Variants in RPS6KA2 observed in about 807,000 individuals in gnomAD.
RPS6KA2 encodes the protein ribosomal protein S6 kinase A2.
RPS6KA2 carries 42 observed loss-of-function variants against 91.8 expected under a neutral mutation model. That is an observed-to-expected ratio of 0.46 (90% CI 0.36 to 0.59). RPS6KA2 has a LOEUF of 0.59. Among genes scored for constraint, RPS6KA2 ranks in the 20% least tolerant of loss-of-function variants. The probability of loss-of-function intolerance (pLI) is 0.00; values close to 1 mark genes in which losing one functional copy is unlikely to be tolerated. For synonymous variants in RPS6KA2, 414 were observed against 393.6 expected, an observed-to-expected ratio of 1.05 and a Z score of -0.61; for missense variants, 798 against 978.5, an observed-to-expected ratio of 0.82 and a Z score of 2.46.
At chr6:166,781,381 C>A (rs1778768508) in intron 2 of RPS6KA2, among the ~76,000 whole-genome samples, 1 of 152,190 alleles carries the variant, frequency 6.6e-6, no homozygotes, top group African/African-American at 2.4e-5. Flanking sequence ...TGGCGTGCTC[C>A]CAGGGAAGAC....
chr6:166,809,352 T>A (rs1779574039), intron 2 of RPS6KA2, among the ~76,000 whole-genome samples: 1 of 152,120 alleles, frequency 6.6e-6, no homozygotes, highest in African/African-American at 2.4e-5. Context: ...TTTGACAATA[T>A]CAAAATCTAG....
At chr6:166,797,563 A>T (rs1779257859) in intron 2 of RPS6KA2, among the ~76,000 whole-genome samples, 1 of 152,210 alleles carries the variant, frequency 6.6e-6, no homozygotes, top group Admixed American at 6.5e-5. Context: ...ATATTAAGAA[A>T]GTTATAAGGA....
rs1256773929 is a variant in RPS6KA2 at position 166,696,778 on chromosome 6, G to A, written c.124-157994C>T. ...GAAAAGCCAACTCCCCCACAAGTGA[G>A]AGGGACCCCTTCCCGCCTGGCCACC... On this transcript the variant is annotated intron_variant, in intron 2 of 21. Transcript: ENST00000503859. 5.9e-5 allele frequency among the ~76,000 whole-genome samples: 9 copies of A among 152,320 alleles called. 2 individuals are homozygous for A. Among genetic ancestry groups the A allele is most frequent in the Admixed American group, 5.2e-4 (8 of 15,306 alleles).
chr6:166,843,728 C>A (rs1418820587), intron 2 of RPS6KA2, among the ~76,000 whole-genome samples: 2 of 152,096 alleles, frequency 1.3e-5, no homozygotes, highest in Non-Finnish European at 2.9e-5. Flanking sequence ...GGGAGAACAC[C>A]ACATCAAGGG....
intron 2 of RPS6KA2, among the ~76,000 whole-genome samples, chr6:166,762,773 A>G (rs1778212320): frequency 6.6e-6 from 1 of 152,210 alleles, no homozygotes. Context: ...GGAGCCAACA[A>G]GGAAAGCGGA....
At position 166,490,047 on chromosome 6, in the gene RPS6KA2, T is replaced by C. The variant is rs1169804675; in HGVS notation, c.818+624A>G. Among the ~76,000 whole-genome samples the C allele has an allele frequency of 3.3e-5, 5 of 152,160 alleles. No homozygotes were observed. Among genetic ancestry groups the C allele is most frequent in the Non-Finnish European group, 7.3e-5 (5 of 68,030 alleles). On this transcript the variant is annotated intron_variant, in intron 9 of 20. Coordinates refer to ENST00000265678, the MANE Select transcript of RPS6KA2 (RefSeq NM_021135.6). This position sits in a 1 kb window ranked among gnomAD's most constrained non-coding sequence, Gnocchi z 4.2. Reference sequence around the variant, plus strand: ...GTGTCTGCTCACATTTAGGATGCTATGGCAAGGTGGTATGGGGATCAGGCT... The same window carrying C: ...GTGTCTGCTCACATTTAGGATGCTACGGCAAGGTGGTATGGGGATCAGGCT...
rs564525791 is a variant in RPS6KA2, at chr6:166,849,806, G to A, written c.123+8394C>T. On this transcript the variant is annotated intron_variant, in intron 2 of 21. Transcript: ENST00000503859. This position sits in a 1 kb window ranked among gnomAD's most constrained non-coding sequence, Gnocchi z 4.9. ...GTTTCCTCAAGCTGACTGAATTCTC[G>A]CCTTCGCTTTCTTTGGAAATGGTTT... Among the ~76,000 whole-genome samples, 6 of 152,284 alleles carry A rather than the reference G, an allele frequency of 3.9e-5. No homozygotes were observed. In the South Asian group the frequency reaches 1.0e-3, roughly 26 times the overall value.
chr6:166,480,515 AATATATTTT>A (rs1781174347), intron 10 of RPS6KA2, among the ~76,000 whole-genome samples: 1 of 84,366 alleles, frequency 1.2e-5, no homozygotes, highest in African/African-American at 6.1e-5. Flanking sequence ...ATATATATAT[AATATATTTT>A]TTTTTTTTGA....
At chr6:166,848,232 C>A (rs139678489) in intron 2 of RPS6KA2, among the ~76,000 whole-genome samples, 2 of 152,062 alleles carry the variant, frequency 1.3e-5, no homozygotes, top group African/African-American at 2.4e-5. Flanking sequence ...TGCAATAATG[C>A]CCATAATTTA....
intron 2 of RPS6KA2, among the ~76,000 whole-genome samples, chr6:166,694,083 A>T (rs938393775): frequency 2.0e-5 from 3 of 152,228 alleles, no homozygotes; most frequent in African/African-American, 7.2e-5. Context: ...ACGATGGCGA[A>T]CCTCTTTATG....
At chr6:166,681,988 G>A (rs922693054) in intron 2 of RPS6KA2, among the ~76,000 whole-genome samples, 1 of 152,078 alleles carries the variant, frequency 6.6e-6, no homozygotes, top group African/African-American at 2.4e-5. Flanking sequence ...GTCTTCTGAT[G>A]CCCAGCAAGA....
At chr6:166,718,328 C>G (rs1790079186) in intron 2 of RPS6KA2, among the ~76,000 whole-genome samples, 1 of 152,100 alleles carries the variant, frequency 6.6e-6, no homozygotes, top group Non-Finnish European at 1.5e-5. Context: ...GGTTAGTCCC[C>G]ACAGTGCCGA....
rs192991670 is a variant in RPS6KA2, at chr6:166,722,364, T to C, written c.123+135836A>G. ...CGGGTCAGACACTCAACAAAGCAGG[T>C]GAAAGTGATGGAAAAATGGAGGAGC... On this transcript the variant is annotated intron_variant, in intron 2 of 21. Coordinates refer to the RPS6KA2 transcript ENST00000503859. Among the ~76,000 whole-genome samples, 266 of 152,290 alleles carry C rather than the reference T, an allele frequency of 1.7e-3. 1 individual carries two copies. Among genetic ancestry groups the C allele is most frequent in the African/African-American group, 6.1e-3 (255 of 41,566 alleles).
chr6:166,718,364 G>A (rs1790080538), intron 2 of RPS6KA2, among the ~76,000 whole-genome samples: 1 of 147,700 alleles, frequency 6.8e-6, no homozygotes, highest in Admixed American at 6.8e-5. Context: ...TCAGCCTTAT[G>A]TGAGGCTGTT....
rs546130313 is a variant in RPS6KA2 at position 166,563,808 on chromosome 6, G to A, written c.100-25024C>T. On this transcript the variant is annotated intron_variant, in intron 1 of 20. Coordinates refer to ENST00000265678, the MANE Select transcript of RPS6KA2 (RefSeq NM_021135.6). The surrounding 1 kb of genome is among the most constrained non-coding windows in gnomAD (Gnocchi z 4.1). ...GTATATGATTTTCATATCTATATCAGTGCTTATAATATTGTTTGCATGAAA... is the reference window on the plus strand; with the variant it reads ...GTATATGATTTTCATATCTATATCAATGCTTATAATATTGTTTGCATGAAA... 1.2e-4 allele frequency among the ~76,000 whole-genome samples: 19 copies of A among 152,276 alleles called. No homozygotes were observed. The highest frequency in any genetic ancestry group is 4.3e-4 in the African/African-American group (18 of 41,552).
At chr6:166,517,405 C>T (rs1782682300) in intron 3 of RPS6KA2, among the ~76,000 whole-genome samples, 2 of 150,402 alleles carry the variant, frequency 1.3e-5, no homozygotes, top group Non-Finnish European at 2.9e-5. Flanking sequence ...ATGGCCTTGA[C>T]AGCATGGCCC....
chr6:166,852,203 T>C lies in RPS6KA2; in HGVS notation c.123+5997A>G, dbSNP rs1312308243. ...GTAAGAAATACAAATGCAAATAGAC[T>C]GCCATCATGGTGACTTATGTAACAC... On this transcript the variant is annotated intron_variant, in intron 2 of 21. Coordinates refer to the RPS6KA2 transcript ENST00000503859. The surrounding 1 kb of genome is among the most constrained non-coding windows in gnomAD (Gnocchi z 4.1). 1.3e-5 allele frequency among the ~76,000 whole-genome samples: 2 copies of C among 152,190 alleles called. No individual in the cohort carries two copies. The highest frequency in any genetic ancestry group is 2.9e-5 in the Non-Finnish European group (2 of 68,026).
At chr6:166,837,620 G>A (rs1780353822) in intron 2 of RPS6KA2, among the ~76,000 whole-genome samples, 1 of 152,216 alleles carries the variant, frequency 6.6e-6, no homozygotes. Flanking sequence ...GGGGTCCTAG[G>A]CTGGTGCTGG....
intron 2 of RPS6KA2, among the ~76,000 whole-genome samples, chr6:166,781,062 G>C (rs1778757120): frequency 6.6e-6 from 1 of 152,174 alleles, no homozygotes; most frequent in Non-Finnish European, 1.5e-5. Flanking sequence ...TCTCTCTAAA[G>C]AAACAGTATT....
Sources: allele counts gnomAD v4.1 joint callset (sites outside exome capture counted in the v4.1 genomes callset), GRCh38; gene constraint gnomAD v4.1.1; non-coding constraint Gnocchi (gnomAD v3.1); transcripts MANE v1.5; gene names NCBI Gene and HGNC (gene_info 2026-07-23, HGNC 2026-07-21).